VPS13B: variants seen among roughly 807,000 people sequenced by gnomAD.
The protein encoded by VPS13B is vacuolar protein sorting 13 homolog B.
In VPS13B, 285 loss-of-function variants were observed where a neutral mutation model predicts 426.4. The observed-to-expected ratio is 0.67, with a 90% CI of 0.61 to 0.74. The LOEUF (loss-of-function observed/expected upper bound fraction) is 0.74. Ranked by LOEUF, VPS13B falls within the 30% of genes least tolerant of loss-of-function variation. The pLI is 0.00. For missense variants in VPS13B, 4,537 were observed against 4,782.6 expected (o/e 0.95, Z 1.51); for synonymous variants, 1,676 against 1,676.4 (o/e 1.00, Z 0.01).
At chr8:99,263,267 A>G (rs1221038424) in intron 17 of VPS13B, among the ~76,000 whole-genome samples, 2 of 152,184 alleles carry the variant, frequency 1.3e-5, no homozygotes, top group African/African-American at 4.8e-5. Flanking sequence ...CCATAGAGAA[A>G]GTCAGTGTTG....
intron 3 of VPS13B, among the ~76,000 whole-genome samples, chr8:99,047,876 C>T (rs1002136551): frequency 6.6e-6 from 1 of 151,874 alleles, no homozygotes; most frequent in Non-Finnish European, 1.5e-5. Flanking sequence ...TTAGTAGAGA[C>T]GTGGTTTCAT....
chr8:99,028,828 G>A (rs1186998013), intron 2 of VPS13B, among the ~76,000 whole-genome samples: 1 of 39,942 alleles, frequency 2.5e-5, no homozygotes. Context: ...CAGATGGGGC[G>A]GCTGGCCGGG....
intron 14 of VPS13B, among the ~76,000 whole-genome samples, chr8:99,153,330 A>G (rs1021858264): frequency 1.3e-5 from 2 of 152,086 alleles, no homozygotes; most frequent in African/African-American, 2.4e-5. Context: ...ACTAACATCA[A>G]CCATACTTCT....
intron 17 of VPS13B, among the ~76,000 whole-genome samples, chr8:99,267,890 C>T (rs1818392049): frequency 6.6e-6 from 1 of 152,184 alleles, no homozygotes; most frequent in South Asian, 2.1e-4. Context: ...TCCTTCCCAT[C>T]ACAGGCCAGG....
intron 19 of VPS13B, among the ~76,000 whole-genome samples, chr8:99,345,360 C>T (rs1330675798): frequency 6.6e-6 from 1 of 152,150 alleles, no homozygotes; most frequent in Non-Finnish European, 1.5e-5. Context: ...TCTATAAGGA[C>T]CACATAGTAA....
intron 21 of VPS13B, among the ~76,000 whole-genome samples, chr8:99,430,177 A>G (rs1817011420): frequency 6.6e-6 from 1 of 152,194 alleles, no homozygotes. Context: ...TATAACTATG[A>G]GAAAGAAAAA....
At chr8:99,270,252 C>T (rs1818517691) in intron 17 of VPS13B, among the ~76,000 whole-genome samples, 1 of 145,114 alleles carries the variant, frequency 6.9e-6, no homozygotes, top group Non-Finnish European at 1.5e-5. Context: ...AATTTTTGTG[C>T]CTCAGCCTCC....
chr8:99,711,783 T>C (rs1216630640), intron 36 of VPS13B, among the ~76,000 whole-genome samples: 1 of 152,204 alleles, frequency 6.6e-6, no homozygotes, highest in Admixed American at 6.5e-5. Context: ...AGAGAAAATC[T>C]GATATGAAAG....
intron 16 of VPS13B, among the ~76,000 whole-genome samples, chr8:99,185,092 A>G (rs766295766): frequency 9.2e-5 from 14 of 152,252 alleles, no homozygotes; most frequent in Non-Finnish European, 2.9e-5. Flanking sequence ...TGTATGCATT[A>G]AAAAGACCAC....
chr8:99,721,656 G>A (rs1174383074), intron 39 of VPS13B, among the ~76,000 whole-genome samples: 4 of 152,148 alleles, frequency 2.6e-5, no homozygotes, highest in African/African-American at 9.7e-5. Context: ...CTTAAAATTT[G>A]TTTCTCCCTT....
chr8:99,619,983 T>A, intron 33 of VPS13B, among the ~76,000 whole-genome samples: 1 of 151,868 alleles, frequency 6.6e-6, no homozygotes, highest in Non-Finnish European at 1.5e-5. Context: ...ATTAATGGTT[T>A]TTTTTTACTT....
chr8:99,529,180 CA>C (rs1202719018), intron 30 of VPS13B, among the ~76,000 whole-genome samples: 1 of 151,818 alleles, frequency 6.6e-6, no homozygotes, highest in African/African-American at 2.4e-5. Flanking sequence ...TCCTCCTTAC[CA>C]GGGCTTATTC....
intron 17 of VPS13B, among the ~76,000 whole-genome samples, chr8:99,261,444 A>C (rs1037416404): frequency 4.6e-5 from 7 of 152,072 alleles, no homozygotes; most frequent in Admixed American, 1.3e-4. Flanking sequence ...GTCTGGATTT[A>C]CCATAATTTA....
chr8:99,280,438 A>G (rs769297472), intron 19 of VPS13B, among the ~76,000 whole-genome samples: 3 of 152,236 alleles, frequency 2.0e-5, no homozygotes, highest in Non-Finnish European at 2.9e-5. Flanking sequence ...CCATGAGGGC[A>G]GAATTAATCA....
In VPS13B at chr8:99,467,710, G is replaced by A; in HGVS notation, c.3666+76G>A. 3 of 1,472,492 alleles carry A rather than the reference G, an allele frequency of 2.0e-6. No homozygotes were observed. In the East Asian group the frequency reaches 6.8e-5, roughly 34 times the overall value. 91.2% of individuals were successfully genotyped at this position (1,472,492 alleles called of 1,614,324 possible). On this transcript the variant is annotated intron_variant, in intron 24 of 61. Transcript: ENST00000357162. The stretch of plus-strand genomic sequence containing the variant: ...GCAATTGTTATCCATTTTGTTGAAG[G>A]GTTTCTCTTCTCTTGAGTATCCTAA...
chr8:99,469,668 A>G (rs1236158051), intron 24 of VPS13B, among the ~76,000 whole-genome samples: 1 of 152,120 alleles, frequency 6.6e-6, no homozygotes, highest in African/African-American at 2.4e-5. Flanking sequence ...AGGAAAGGAA[A>G]CTGTTATGGA....
At chr8:99,316,660 C>G (rs967496295) in intron 19 of VPS13B, among the ~76,000 whole-genome samples, 1 of 152,076 alleles carries the variant, frequency 6.6e-6, no homozygotes, top group African/African-American at 2.4e-5. Flanking sequence ...AAGCATGCTC[C>G]CTCACTTCTT....
intron 30 of VPS13B, among the ~76,000 whole-genome samples, chr8:99,524,720 G>A (rs1822557615): frequency 6.6e-6 from 1 of 152,182 alleles, no homozygotes; most frequent in African/African-American, 2.4e-5. Context: ...TTGAGCACAG[G>A]AGGTTGAGGC....
chr8:99,758,183 G>C (rs1364207937), intron 39 of VPS13B, among the ~76,000 whole-genome samples: 1 of 152,164 alleles, frequency 6.6e-6, no homozygotes, highest in African/African-American at 2.4e-5. Flanking sequence ...ATAGAGCCCA[G>C]AGTTATTCCT....
Sources: allele counts gnomAD v4.1 joint callset (sites outside exome capture counted in the v4.1 genomes callset), GRCh38; gene constraint gnomAD v4.1.1; transcripts MANE v1.5; gene names NCBI Gene and HGNC (gene_info 2026-07-23, HGNC 2026-07-21).